ATG5: variants seen among roughly 807,000 people sequenced by gnomAD.
The protein encoded by ATG5 is autophagy related 5, also known as autophagy protein 5.
Under a neutral mutation model 36.5 loss-of-function variants are expected in ATG5, and 14 were observed. The ratio of observed to expected loss-of-function variants is 0.38; its 90% confidence interval spans 0.25 to 0.60. The LOEUF (loss-of-function observed/expected upper bound fraction) is 0.60, where lower values mean the gene tolerates loss of function less well. Among genes scored for constraint, ATG5 ranks in the 20% least tolerant of loss-of-function variants. The pLI is 0.60. For synonymous variants in ATG5, 95 were observed against 101.5 expected, an observed-to-expected ratio of 0.94 and a Z score of 0.38; for missense variants, 195 against 326.7, an observed-to-expected ratio of 0.60 and a Z score of 3.11.
chr6:106,185,447 T>C lies in ATG5; in HGVS notation c.*1093A>G, dbSNP rs764549228. ...CTTGGTAATAAAGTGCAGCAAACTT[T>C]CCTTATATTGAATAAGAACTCCAGT... On this transcript the variant is annotated 3_prime_UTR_variant, in exon 8 of 8. Transcript: ENST00000369076. 3 of 152,528 alleles carry C rather than the reference T, an allele frequency of 2.0e-5. No homozygotes were observed. The highest frequency in any genetic ancestry group is 2.0e-4 in the Admixed American group (3 of 15,268). The allele number at this position is 152,528 out of a possible 1,614,324, so 9.4% of individuals were successfully genotyped here. A position where few individuals can be genotyped will look rare whatever the true frequency, so the allele number is the denominator to read the frequency against.
intron 6 of ATG5, among the ~76,000 whole-genome samples, chr6:106,245,233 T>C (rs1778281246): frequency 6.6e-6 from 1 of 152,210 alleles, no homozygotes; most frequent in South Asian, 2.1e-4. Flanking sequence ...TATAGTCATT[T>C]TGAGCTCATG....
At chr6:106,236,675 T>C (rs1483392076) in intron 6 of ATG5, among the ~76,000 whole-genome samples, 3 of 152,224 alleles carry the variant, frequency 2.0e-5, no homozygotes, top group Non-Finnish European at 4.4e-5. Context: ...TAAAGGTGCT[T>C]TCCTGAGTTT....
chr6:106,223,730 G>A (rs1777338954), intron 6 of ATG5, among the ~76,000 whole-genome samples: 1 of 152,202 alleles, frequency 6.6e-6, no homozygotes, highest in African/African-American at 2.4e-5. Context: ...TGCTTACAGA[G>A]AAACTACATA....
intron 5 of ATG5, among the ~76,000 whole-genome samples, chr6:106,273,734 T>C (rs1779540795): frequency 6.6e-6 from 1 of 152,140 alleles, no homozygotes; most frequent in African/African-American, 2.4e-5. Flanking sequence ...AATTTCTCAG[T>C]CTACTTATTC....
rs189607296 is a variant in ATG5 at position 106,236,286 on chromosome 6, G to C, written c.573+11864C>G. On this transcript the variant is annotated intron_variant, in intron 6 of 7. Coordinates refer to ENST00000369076, the MANE Select transcript of ATG5 (RefSeq NM_004849.4). ...TATGATGGATATTATGAATAATTCT[G>C]CTATGAACACTTCTGTACAATGTTT... Among the ~76,000 whole-genome samples, 10 of 152,212 alleles carry C rather than the reference G, an allele frequency of 6.6e-5. No individual in the cohort carries two copies. The East Asian group carries it at 1.7e-3, about 26-fold the overall frequency.
At chr6:106,314,753 T>C (rs1358922464) in intron 2 of ATG5, among the ~76,000 whole-genome samples, 4 of 152,144 alleles carry the variant, frequency 2.6e-5, no homozygotes, top group Non-Finnish European at 4.4e-5. Context: ...TAACCTATAT[T>C]ACAGAACAAG....
chr6:106,235,832 T>C (rs1485164688), intron 6 of ATG5, among the ~76,000 whole-genome samples: 1 of 152,044 alleles, frequency 6.6e-6, no homozygotes, highest in African/African-American at 2.4e-5. Flanking sequence ...AATAGCTTAA[T>C]TGAAGAATAA....
At chr6:106,303,921 C>T (rs1190404196) in intron 3 of ATG5, among the ~76,000 whole-genome samples, 2 of 151,234 alleles carry the variant, frequency 1.3e-5, no homozygotes, top group East Asian at 3.9e-4. Context: ...AAGATGTCCA[C>T]TCTCACCACT....
intron 1 of ATG5, among the ~76,000 whole-genome samples, chr6:106,321,381 C>A (rs1382501006): frequency 6.7e-6 from 1 of 148,492 alleles, no homozygotes; most frequent in Non-Finnish European, 1.5e-5. Context: ...TTTTTTGAGA[C>A]GGAGTCTCGC....
chr6:106,285,793 G>A (rs552426417), intron 4 of ATG5, among the ~76,000 whole-genome samples: 7 of 152,172 alleles, frequency 4.6e-5, no homozygotes, highest in East Asian at 3.9e-4. Context: ...CAATTTTCAC[G>A]TCACAAAATA....
At chr6:106,288,444 C>T (rs926631234) in intron 4 of ATG5, among the ~76,000 whole-genome samples, 3 of 152,094 alleles carry the variant, frequency 2.0e-5, no homozygotes, top group Non-Finnish European at 4.4e-5. Flanking sequence ...ACAAAACATA[C>T]ATCCAAATCT....
intron 2 of ATG5, among the ~76,000 whole-genome samples, chr6:106,311,103 T>C (rs1345810845): frequency 2.0e-5 from 3 of 152,158 alleles, no homozygotes; most frequent in Admixed American, 6.5e-5. Flanking sequence ...TGTCCAACAA[T>C]TTTCAATTTT....
intron 5 of ATG5, among the ~76,000 whole-genome samples, chr6:106,253,176 G>A (rs1778665330): frequency 6.6e-6 from 1 of 152,168 alleles, no homozygotes; most frequent in Non-Finnish European, 1.5e-5. Flanking sequence ...TTACTGGTAG[G>A]CTGCCAAAAG....
Position 106,202,084 on chromosome 6 carries a change from C to T in ATG5, c.579G>A (p.Thr193=), listed in dbSNP as rs1318026599. Reference sequence around the variant, plus strand: ...GCTTCTGAATGAAAGGTCTTTCAGTCGTTGTCTATTTGAAAAAGGAAAAAA... The same window carrying T: ...GCTTCTGAATGAAAGGTCTTTCAGTTGTTGTCTATTTGAAAAAGGAAAAAA... The part of the protein sequence containing the change: ...RYIPFRIYQT[T]TERPFIQKLF... Residue 193 remains threonine, a synonymous_variant, in exon 7 of 8, where the codon ACG becomes ACA. Coordinates refer to ENST00000369076, the MANE Select transcript of ATG5 (RefSeq NM_004849.4). 5.0e-6 allele frequency: 8 copies of T among 1,612,744 alleles called. No individual in the cohort carries two copies. Among genetic ancestry groups the T allele is most frequent in the South Asian group, 2.2e-5 (2 of 90,850 alleles).
Position 106,308,408 on chromosome 6 carries a change from G to A in ATG5, c.192C>T (p.Asp64=). ...KHFQKVMRQE[D]ISEIWFEYEG... is the part of the protein sequence containing the mutation. ...CATATTCAAACCATATCTCACTAAT[G>A]TCTTCTTGTCTCATAACCTTCTGAA... The change falls in exon 3 of 8, where the codon GAC becomes GAT. Residue 64 remains aspartate, a synonymous_variant. Coordinates refer to ENST00000369076, the MANE Select transcript of ATG5 (RefSeq NM_004849.4). 6.3e-7 allele frequency: 1 copy of A among 1,595,066 alleles called. No individual in the cohort carries two copies. The highest frequency in any genetic ancestry group is 8.5e-7 in the Non-Finnish European group (1 of 1,172,466).
At chr6:106,235,692 G>A (rs992756432) in intron 6 of ATG5, among the ~76,000 whole-genome samples, 10 of 152,284 alleles carry the variant, frequency 6.6e-5, no homozygotes, top group South Asian at 6.2e-4. Context: ...AGAGCACAGC[G>A]GGAAGGACAA....
chr6:106,260,043 G>T (rs55690521), intron 5 of ATG5, among the ~76,000 whole-genome samples: 3,576 of 152,164 alleles, frequency 0.024, 60 homozygotes, highest in African/African-American at 0.046. Context: ...TCACTCATAG[G>T]GGGGAACTGA....
In ATG5 at chr6:106,293,085, T is replaced by G; in HGVS notation, c.258A>C (p.Leu86=). 1.2e-6 allele frequency: 2 copies of G among 1,613,422 alleles called. No individual in the cohort carries two copies. Among genetic ancestry groups the G allele is most frequent in the Non-Finnish European group, 1.7e-6 (2 of 1,179,534 alleles). Residue 86 remains leucine, a synonymous_variant, in exon 4 of 8, where the codon CTA becomes CTC. Coordinates refer to ENST00000369076, the MANE Select transcript of ATG5 (RefSeq NM_004849.4). ...CTGAACTTGATGCAAGAAGATCAAATAGCAAACCAATTGGATAATGCCTAA... is the reference window on the plus strand; with the variant it reads ...CTGAACTTGATGCAAGAAGATCAAAGAGCAAACCAATTGGATAATGCCTAA... ...PLKWHYPIGL[L]FDLLASSSAL... is the part of the protein sequence containing the mutation.
intron 6 of ATG5, among the ~76,000 whole-genome samples, chr6:106,209,678 T>C (rs1051600939): frequency 2.4e-4 from 37 of 152,194 alleles, no homozygotes; most frequent in African/African-American, 8.0e-4. Context: ...TATGTAAAAC[T>C]AAGGAAATCT....
Sources: allele counts gnomAD v4.1 joint callset (sites outside exome capture counted in the v4.1 genomes callset), GRCh38; gene constraint gnomAD v4.1.1; transcripts MANE v1.5; gene names NCBI Gene and HGNC (gene_info 2026-07-23, HGNC 2026-07-21).